Variants in ACSM3 observed in about 807,000 individuals in gnomAD.
ACSM3 encodes the protein acyl-CoA synthetase medium chain family member 3.
In ACSM3, 61 loss-of-function variants were observed where a neutral mutation model predicts 74.1. The ratio of observed to expected loss-of-function variants is 0.82; its 90% CI spans 0.67 to 1.02. ACSM3 has a LOEUF of 1.02. ACSM3 is among the 50% of genes least tolerant of loss of function. ACSM3 has a pLI of 0.00. For synonymous variants in ACSM3, 213 were observed against 241.5 expected (o/e 0.88, Z 1.09); for missense variants, 660 against 697.0 (o/e 0.95, Z 0.60).
At chr16:20,679,321 G>T (rs1438083272) in intron 1 of ACSM3, 1 of 152,230 alleles carries the variant, frequency 6.6e-6, no homozygotes, top group Non-Finnish European at 1.5e-5. Flanking sequence ...GCCCTGCTCT[G>T]ACCACACTGG....
chr16:20,753,458 T>G (rs2080003777), intron 2 of ACSM3, among the ~76,000 whole-genome samples: 1 of 103,134 alleles, frequency 9.7e-6, no homozygotes. Flanking sequence ...AACGAGACTG[T>G]CTCCAAAAAA....
In ACSM3 at chr16:20,797,266, T is replaced by C; in HGVS notation, c.*294T>C. The stretch of plus-strand genomic sequence containing the variant: ...AGCAGTTTCTGAACCAGATCTCTGC[T>C]ACATAGGTTTTCAAACTTTAGTTGA... On this transcript the variant is annotated 3_prime_UTR_variant, in exon 14 of 14. Transcript: ENST00000289416. 2 of 1,066,354 alleles carry C rather than the reference T, an allele frequency of 1.9e-6. No homozygotes were observed. Among genetic ancestry groups the C allele is most frequent in the Non-Finnish European group, 2.3e-6 (2 of 885,798 alleles). 66.1% of individuals were successfully genotyped at this position (1,066,354 alleles called of 1,614,324 possible).
chr16:20,786,197 A>G, intron 9 of ACSM3, 39 bp downstream of exon 9: 1 of 1,605,062 alleles, frequency 6.2e-7, no homozygotes, highest in Non-Finnish European at 8.5e-7. Context: ...TTAACAACCC[A>G]ATCTGTACAC....
At chr16:20,748,344 T>A (rs901611687) in intron 1 of ACSM3, among the ~76,000 whole-genome samples, 1 of 152,118 alleles carries the variant, frequency 6.6e-6, no homozygotes, top group Non-Finnish European at 1.5e-5. Context: ...AATGTATAGA[T>A]GAACAAAGAC....
intron 1 of ACSM3, chr16:20,674,843 G>C (rs1221941564): frequency 6.6e-6 from 1 of 152,360 alleles, no homozygotes; most frequent in Non-Finnish European, 1.5e-5. Flanking sequence ...AGGGCCCAAG[G>C]TAGGAAAGCC....
At chr16:20,685,317 G>A in intron 1 of ACSM3, 8 of 1,614,142 alleles carry the variant, frequency 5.0e-6, no homozygotes, top group African/African-American at 1.3e-5. Flanking sequence ...GGCGGGTTAG[G>A]TCTCCCATCT....
intron 1 of ACSM3, chr16:20,736,992 C>T (rs1350695829): frequency 6.2e-7 from 1 of 1,613,944 alleles, no homozygotes; most frequent in Non-Finnish European, 8.5e-7. Context: ...TTTTGTCTGC[C>T]CCAGCTCCTC....
intron 1 of ACSM3, chr16:20,738,791 A>G: frequency 7.6e-7 from 1 of 1,312,052 alleles, no homozygotes; most frequent in South Asian, 1.4e-5. Flanking sequence ...CCATCAAATG[A>G]TTAACTGAGT....
chr16:20,762,003 C>T (rs941944181), upstream of ACSM3, among the ~76,000 whole-genome samples: 4 of 152,198 alleles, frequency 2.6e-5, no homozygotes, highest in African/African-American at 7.2e-5. Context: ...TACAAAACCT[C>T]GGAAGCATGC....
At chr16:20,687,626 C>T (rs538915219) in intron 1 of ACSM3, among the ~76,000 whole-genome samples, 1 of 152,018 alleles carries the variant, frequency 6.6e-6, no homozygotes, top group African/African-American at 2.4e-5. Flanking sequence ...AGAAACAAAC[C>T]CTAAATAAAC....
chr16:20,680,345 C>T (rs1239043599), intron 1 of ACSM3: 1 of 152,194 alleles, frequency 6.6e-6, no homozygotes, highest in African/African-American at 2.4e-5. Flanking sequence ...GGTCCATAAT[C>T]ATTCTATAAG....
chr16:20,759,478 T>C (rs2080058991), upstream of ACSM3, among the ~76,000 whole-genome samples: 2 of 147,026 alleles, frequency 1.4e-5, no homozygotes, highest in South Asian at 4.3e-4. Flanking sequence ...GAGAATGGTG[T>C]AAACCTGGGA....
chr16:20,685,818 T>TA (rs2079538530), intron 1 of ACSM3, among the ~76,000 whole-genome samples: 2 of 37,284 alleles, frequency 5.4e-5, no homozygotes, highest in East Asian at 3.6e-4. Flanking sequence ...AGACTCCGTC[T>TA]CAAAAAAAAA....
intron 2 of ACSM3, among the ~76,000 whole-genome samples, chr16:20,752,429 A>G (rs1596499327): frequency 6.6e-6 from 1 of 152,196 alleles, no homozygotes; most frequent in East Asian, 1.9e-4. Context: ...TGGTTGTCTC[A>G]TGATAAAAGA....
chr16:20,731,801 T>C (rs2079832036), intron 1 of ACSM3: 1 of 271,026 alleles, frequency 3.7e-6, no homozygotes, highest in Non-Finnish European at 6.7e-6. Context: ...AGCTAAAATG[T>C]AGATTTTACT....
chr16:20,748,251 C>G (rs758136060), intron 1 of ACSM3, among the ~76,000 whole-genome samples: 1 of 152,082 alleles, frequency 6.6e-6, no homozygotes, highest in Non-Finnish European at 1.5e-5. Context: ...TAAGAATTAT[C>G]TACATGAATA....
At chr16:20,777,692 G>A in intron 4 of ACSM3, 112 bp downstream of exon 4, 2 of 926,974 alleles carry the variant, frequency 2.2e-6, no homozygotes, top group South Asian at 1.6e-5. Context: ...CAGGCAAAGG[G>A]AACAGTTGGT....
intron 1 of ACSM3, among the ~76,000 whole-genome samples, chr16:20,742,813 A>ATATATATATTTTTTT (rs61582869): frequency 1.2e-4 from 8 of 66,818 alleles, no homozygotes; most frequent in African/African-American, 3.0e-4. Flanking sequence ...ATATATATAT[A>ATATATATATTTTTTT]TTTTTTTTTT....
chr16:20,769,812 T>C (rs895220583), intron 1 of ACSM3, among the ~76,000 whole-genome samples, 172 bp from the exon 2 acceptor site: 1 of 152,156 alleles, frequency 6.6e-6, no homozygotes, highest in Non-Finnish European at 1.5e-5. Flanking sequence ...CTCTGAGGAT[T>C]TAATAAGAAA....
Sources: gnomAD v4.1 joint callset for allele counts (sites outside exome capture counted in the v4.1 genomes callset) on GRCh38, gnomAD v4.1.1 for gene constraint, MANE v1.5 for transcripts, NCBI Gene and HGNC (gene_info 2026-07-23, HGNC 2026-07-21) for gene names.